Variants in NALF1 observed in about 807,000 individuals in gnomAD.
The protein encoded by NALF1 is NALCN channel auxiliary factor 1.
Under a neutral mutation model 48.4 loss-of-function variants are expected in NALF1, and 3 were observed. The ratio of observed to expected loss-of-function variants is 0.06; its 90% CI spans 0.03 to 0.16. The LOEUF is 0.16. Among genes scored for constraint, NALF1 ranks in the 10% least tolerant of loss-of-function variants. The probability of loss-of-function intolerance (pLI) is 1.00; values close to 1 mark genes in which losing one functional copy is unlikely to be tolerated. For synonymous variants in NALF1, 262 were observed against 245.7 expected (o/e 1.07, Z -0.62); for missense variants, 526 against 571.5 (o/e 0.92, Z 0.81).
chr13:107,694,693 C>CA (rs1449102306), intron 1 of NALF1, among the ~76,000 whole-genome samples: 1 of 151,856 alleles, frequency 6.6e-6, no homozygotes, highest in Non-Finnish European at 1.5e-5. Context: ...ATTTCTTAAG[C>CA]AAAAAATATT....
intron 1 of NALF1, among the ~76,000 whole-genome samples, chr13:107,318,356 C>T (rs948995257): frequency 3.3e-5 from 5 of 152,068 alleles, no homozygotes; most frequent in Admixed American, 2.0e-4. Context: ...TGTCACTGCC[C>T]TAACATGGCT....
At chr13:107,702,089 A>C (rs559890523) in intron 1 of NALF1, among the ~76,000 whole-genome samples, 1 of 152,172 alleles carries the variant, frequency 6.6e-6, no homozygotes, top group Admixed American at 6.5e-5. Context: ...AAAACAGAGA[A>C]AGAGTAAAGG....
At chr13:107,268,818 C>T (rs1881096085) in intron 1 of NALF1, among the ~76,000 whole-genome samples, 1 of 152,010 alleles carries the variant, frequency 6.6e-6, no homozygotes, top group Non-Finnish European at 1.5e-5. Flanking sequence ...TTTCATTTGC[C>T]AAATGTAGGG....
At chr13:107,629,688 T>A (rs1051136268) in intron 1 of NALF1, among the ~76,000 whole-genome samples, 1 of 152,156 alleles carries the variant, frequency 6.6e-6, no homozygotes, top group African/African-American at 2.4e-5. Flanking sequence ...TTCTTTACTG[T>A]ATTTCAGTTG....
At chr13:107,865,554 A>C in intron 1 of NALF1, 128 bp downstream of exon 1, 1 of 1,286,286 alleles carries the variant, frequency 7.8e-7, no homozygotes, top group Non-Finnish European at 1.1e-6. Flanking sequence ...CCAAGCTCTT[A>C]ATAACCGCAG....
intron 1 of NALF1, among the ~76,000 whole-genome samples, chr13:107,458,685 C>T (rs984936313): frequency 5.9e-5 from 9 of 152,156 alleles, no homozygotes; most frequent in African/African-American, 1.7e-4. Context: ...CCTTGATTTA[C>T]TCACTGTTAA....
chr13:107,211,226 G>T (rs906795149), intron 1 of NALF1, among the ~76,000 whole-genome samples: 1 of 152,186 alleles, frequency 6.6e-6, no homozygotes, highest in African/African-American at 2.4e-5. Context: ...GGCCCAGCAG[G>T]GGTTGGGAAA....
At position 107,166,172 on chromosome 13, in the gene NALF1, C is replaced by T. The variant is rs1481854393; in HGVS notation, c.*4325G>A. On this transcript the variant is annotated 3_prime_UTR_variant, in exon 3 of 3. Coordinates refer to ENST00000375915, the MANE Select transcript of NALF1 (RefSeq NM_001080396.3). ...TGGTATCTCACGCCTGTAATCCCAA[C>T]ACTTTGGGAGGCCTAATCGGCGGAT... 2 of 152,178 alleles carry T rather than the reference C, an allele frequency of 1.3e-5. No individual in the cohort carries two copies. The highest frequency in any genetic ancestry group is 2.9e-5 in the Non-Finnish European group (2 of 68,064). The allele number at this position is 152,178 out of a possible 1,614,324, so 9.4% of individuals were successfully genotyped here.
Position 107,174,055 on chromosome 13 carries a change from G to T in NALF1, c.1088-3269C>A, listed in dbSNP as rs540672937. Among the ~76,000 whole-genome samples, 18 of 152,276 alleles carry T rather than the reference G, an allele frequency of 1.2e-4. No homozygotes were observed. The South Asian group carries it at 3.7e-3, about 32-fold the overall frequency. On this transcript the variant is annotated intron_variant, in intron 2 of 2. Coordinates refer to ENST00000375915, the MANE Select transcript of NALF1 (RefSeq NM_001080396.3). ...CCGAATGTTGCTTTTCGAAGCAACT[G>T]TTCTTATTTTATGGTTACCATGTTT... is the stretch of plus-strand genomic sequence containing the variant.
In NALF1 at chr13:107,255,605, T is replaced by A. The variant is rs1241979832; in HGVS notation, c.916-44850A>T. Among the ~76,000 whole-genome samples the A allele has an allele frequency of 2.0e-5, 3 of 152,348 alleles. No individual in the cohort carries two copies. In the East Asian group the frequency reaches 5.8e-4, roughly 29 times the overall value. On this transcript the variant is annotated intron_variant, in intron 1 of 2. Coordinates refer to ENST00000375915, the MANE Select transcript of NALF1 (RefSeq NM_001080396.3). ...TTTGATATAAACGAATGGAGAGGAC[T>A]AATCCACAATGTACAGTAATTAACA...
chr13:107,819,312 AC>A (rs1216439731), intron 1 of NALF1, among the ~76,000 whole-genome samples: 1 of 152,210 alleles, frequency 6.6e-6, no homozygotes, highest in African/African-American at 2.4e-5. Flanking sequence ...CACATAAACA[AC>A]AGGCACTCAA....
intron 1 of NALF1, among the ~76,000 whole-genome samples, chr13:107,574,967 A>G (rs1039436088): frequency 3.9e-5 from 6 of 152,182 alleles, no homozygotes; most frequent in Non-Finnish European, 8.8e-5. Context: ...TATCTTGCGC[A>G]TTATGACTAC....
chr13:107,526,123 C>T (rs1400454087), intron 1 of NALF1, among the ~76,000 whole-genome samples: 5 of 152,044 alleles, frequency 3.3e-5, no homozygotes, highest in Admixed American at 6.6e-5. Flanking sequence ...TGTCACTTTA[C>T]TTTTAACTGT....
At chr13:107,469,476 C>G (rs937100952) in intron 1 of NALF1, among the ~76,000 whole-genome samples, 1 of 152,130 alleles carries the variant, frequency 6.6e-6, no homozygotes, top group Non-Finnish European at 1.5e-5. Context: ...ATTCCAGAGC[C>G]TCCCTTGGTA....
intron 1 of NALF1, among the ~76,000 whole-genome samples, chr13:107,346,533 A>G (rs1882775658): frequency 6.6e-6 from 1 of 152,360 alleles, no homozygotes; most frequent in Admixed American, 6.5e-5. Flanking sequence ...AAAATACTGC[A>G]TGAATCCTCT....
chr13:107,721,033 T>A lies in NALF1; in HGVS notation c.915+144649A>T, dbSNP rs1407287276. 2.0e-5 allele frequency among the ~76,000 whole-genome samples: 3 copies of A among 151,912 alleles called. No homozygotes were observed. In the South Asian group the frequency reaches 6.2e-4, roughly 32 times the overall value. ...GGCATCGTGGATATCACATGAATGG[T>A]ACATTGGAACCTGAGAACTGAGTTA... On this transcript the variant is annotated intron_variant, in intron 1 of 2. Transcript: ENST00000375915.
At chr13:107,498,740 T>C (rs1474315461) in intron 1 of NALF1, among the ~76,000 whole-genome samples, 1 of 152,164 alleles carries the variant, frequency 6.6e-6, no homozygotes, top group Non-Finnish European at 1.5e-5. Context: ...TCTTGTTCCT[T>C]TTATTGTTTT....
intron 1 of NALF1, among the ~76,000 whole-genome samples, chr13:107,321,382 G>A (rs1024924093): frequency 3.9e-5 from 6 of 152,070 alleles, no homozygotes; most frequent in Admixed American, 2.0e-4. Context: ...TTTCCCTGTA[G>A]TTTGTGCAAT....
intron 1 of NALF1, among the ~76,000 whole-genome samples, chr13:107,373,836 C>T (rs975737025): frequency 6.6e-6 from 1 of 152,056 alleles, no homozygotes; most frequent in Non-Finnish European, 1.5e-5. Context: ...TCTGGCCGAG[C>T]ATGGGAGAAG....
Sources: allele counts gnomAD v4.1 joint callset (sites outside exome capture counted in the v4.1 genomes callset), GRCh38; gene constraint gnomAD v4.1.1; transcripts MANE v1.5; gene names NCBI Gene and HGNC (gene_info 2026-07-23, HGNC 2026-07-21).